The following LY96 variants were observed in gnomAD, a reference collection of about 807,000 sequenced individuals.
LY96 encodes the protein lymphocyte antigen 96.
A neutral mutation model predicts 18.9 loss-of-function variants in LY96; 18 were observed. That is an observed-to-expected ratio of 0.95 (90% CI 0.66 to 1.41). LY96 has a LOEUF of 1.41. Among genes scored for constraint, LY96 ranks in the 40% most tolerant of loss-of-function variants. The pLI is 0.00. For synonymous variants in LY96, 66 were observed against 62.6 expected, an observed-to-expected ratio of 1.06 and a Z score of -0.26; for missense variants, 175 against 182.4, an observed-to-expected ratio of 0.96 and a Z score of 0.23.
chr8:74,011,666 C>T (rs984253924), intron 3 of LY96, among the ~76,000 whole-genome samples: 3 of 152,140 alleles, frequency 2.0e-5, no homozygotes, highest in Non-Finnish European at 4.4e-5. Flanking sequence ...CGAGACCAGC[C>T]TGGCCAACAT....
intron 1 of LY96, among the ~76,000 whole-genome samples, chr8:74,001,034 C>T (rs1163974680): frequency 6.6e-6 from 1 of 152,190 alleles, no homozygotes; most frequent in African/African-American, 2.4e-5. Context: ...CCTCAACACT[C>T]TTGCACTGGG....
the LY96 span, among the ~76,000 whole-genome samples, chr8:74,068,413 A>T: frequency 6.6e-6 from 1 of 152,344 alleles, no homozygotes; most frequent in East Asian, 1.9e-4. Context: ...AGCTCTTATG[A>T]ATAAAGCTGC....
At chr8:74,016,497 T>C (rs1253591483) in intron 3 of LY96, among the ~76,000 whole-genome samples, 1 of 152,186 alleles carries the variant, frequency 6.6e-6, no homozygotes, top group African/African-American at 2.4e-5. Flanking sequence ...CTGACAGCTC[T>C]GAAGAGAGCA....
the LY96 span, among the ~76,000 whole-genome samples, chr8:74,073,011 G>A: frequency 6.6e-6 from 1 of 152,190 alleles, no homozygotes; most frequent in Non-Finnish European, 1.5e-5. Flanking sequence ...TGTGAGCCTG[G>A]AGCTTGAAGT....
the LY96 span, among the ~76,000 whole-genome samples, chr8:74,087,359 A>G: frequency 6.6e-6 from 1 of 152,168 alleles, no homozygotes; most frequent in African/African-American, 2.4e-5. Context: ...GCCCAGTTGT[A>G]TTTTATTGTA....
the LY96 span, among the ~76,000 whole-genome samples, chr8:74,063,244 A>G: frequency 6.6e-6 from 1 of 152,224 alleles, no homozygotes; most frequent in Non-Finnish European, 1.5e-5. Flanking sequence ...AAGAGTGAGC[A>G]AGGAGGAAGC....
the LY96 span, among the ~76,000 whole-genome samples, chr8:74,090,335 G>A: frequency 1.3e-5 from 2 of 152,164 alleles, no homozygotes; most frequent in East Asian, 1.9e-4. Flanking sequence ...GCATATACAG[G>A]TGCTTAGTGA....
the LY96 span, among the ~76,000 whole-genome samples, chr8:74,095,950 A>T: frequency 6.6e-6 from 1 of 152,128 alleles, no homozygotes; most frequent in South Asian, 2.1e-4. Context: ...TGAACTCTAG[A>T]TCTTTCTTCC....
chr8:73,996,695 A>G (rs1189243772), intron 1 of LY96, among the ~76,000 whole-genome samples: 1 of 151,376 alleles, frequency 6.6e-6, no homozygotes, highest in Non-Finnish European at 1.5e-5. Flanking sequence ...CTGGAATTAC[A>G]GGCGTGAGCC....
chr8:74,066,858 C>A, the LY96 span, among the ~76,000 whole-genome samples: 1 of 152,096 alleles, frequency 6.6e-6, no homozygotes, highest in Admixed American at 6.6e-5. Context: ...TTTGGGAGTG[C>A]GCAGGGGATT....
chr8:74,084,775 G>A, the LY96 span, among the ~76,000 whole-genome samples: 2 of 151,948 alleles, frequency 1.3e-5, no homozygotes, highest in South Asian at 2.1e-4. Flanking sequence ...CACCACGCCC[G>A]GCTAATTTTT....
the LY96 span, among the ~76,000 whole-genome samples, chr8:74,080,142 T>A: frequency 6.6e-6 from 1 of 152,158 alleles, no homozygotes; most frequent in Admixed American, 6.5e-5. Context: ...GACCCCTTTA[T>A]GTGAAAACAA....
At chr8:74,036,356 T>C in the LY96 span, among the ~76,000 whole-genome samples, 2 of 152,196 alleles carry the variant, frequency 1.3e-5, no homozygotes, top group Non-Finnish European at 2.9e-5. Flanking sequence ...GGTCACAAGA[T>C]AGGTGTAGTT....
chr8:73,998,500 G>GC (rs1376852881), intron 1 of LY96, among the ~76,000 whole-genome samples: 1 of 151,706 alleles, frequency 6.6e-6, no homozygotes, highest in Non-Finnish European at 1.5e-5. Context: ...ACATAGTGAG[G>GC]CCCCATCTCT....
the LY96 span, among the ~76,000 whole-genome samples, chr8:74,054,628 CTTTCT>C: frequency 4.9e-5 from 5 of 102,294 alleles, no homozygotes; most frequent in African/African-American, 2.0e-4. Flanking sequence ...TTCTTTCTTT[CTTTCT>C]TTCTTTCTTT....
rs184270727 is a variant in LY96 at position 74,017,020 on chromosome 8, A to G, written c.331+6891A>G. 5.2e-3 allele frequency among the ~76,000 whole-genome samples: 799 copies of G among 152,366 alleles called. 5 individuals carry two copies. The highest frequency in any genetic ancestry group is 0.019 in the African/African-American group (777 of 41,586). On this transcript the variant is annotated intron_variant, in intron 3 of 4. Transcript: ENST00000284818. ...CTCCAAAGGATCGCAGCTCCTCGCC[A>G]GCAACGGAACAAAGCTGGATGGAGA...
At chr8:74,059,672 A>G in the LY96 span, among the ~76,000 whole-genome samples, 10 of 152,258 alleles carry the variant, frequency 6.6e-5, no homozygotes, top group Non-Finnish European at 1.2e-4. Flanking sequence ...TTAAATTTCA[A>G]ATGGATTACA....
the LY96 span, among the ~76,000 whole-genome samples, chr8:74,058,215 T>C: frequency 2.0e-5 from 3 of 152,206 alleles, no homozygotes; most frequent in Admixed American, 6.5e-5. Flanking sequence ...CAGATTATGC[T>C]GAACACATTC....
At chr8:73,993,055 G>C (rs1217967564) in intron 1 of LY96, among the ~76,000 whole-genome samples, 1 of 151,240 alleles carries the variant, frequency 6.6e-6, no homozygotes, top group East Asian at 1.9e-4. Flanking sequence ...TAGAGACAGG[G>C]TTTCATCATG....
Sources: gnomAD v4.1 joint callset for allele counts (sites outside exome capture counted in the v4.1 genomes callset) on GRCh38, gnomAD v4.1.1 for gene constraint, MANE v1.5 for transcripts, NCBI Gene and HGNC (gene_info 2026-07-23, HGNC 2026-07-21) for gene names.